Variants in CMTR1 observed in about 807,000 individuals in gnomAD.
The protein encoded by CMTR1 is cap methyltransferase 1, also known as cap-specific mRNA (nucleoside-2'-O-)-methyltransferase 1.
CMTR1 carries 39 observed loss-of-function variants against 107.0 expected under a neutral mutation model. The observed-to-expected ratio is 0.36, with a 90% CI of 0.28 to 0.48. The LOEUF is 0.48. Among genes scored for constraint, CMTR1 ranks in the 20% least tolerant of loss-of-function variants. The pLI is 0.99. For missense variants in CMTR1, 672 were observed against 1,064.9 expected (o/e 0.63, Z 5.14); for synonymous variants, 366 against 379.5 (o/e 0.96, Z 0.41).
intron 2 of CMTR1, among the ~76,000 whole-genome samples, chr6:37,437,248 C>T (rs1042451742): frequency 6.6e-6 from 1 of 150,496 alleles, no homozygotes; most frequent in African/African-American, 2.5e-5. Flanking sequence ...ATCAGCTGGC[C>T]AGGCGCGGTG....
At chr6:37,478,881 T>TC (rs1050818097) in intron 22 of CMTR1, among the ~76,000 whole-genome samples, 46 of 152,166 alleles carry the variant, frequency 3.0e-4, no homozygotes, top group African/African-American at 1.1e-3. Flanking sequence ...GCTAACAGAG[T>TC]CCTACATCTG....
At chr6:37,479,281 C>A in intron 23 of CMTR1, 26 bp downstream of exon 23, 1 of 1,502,254 alleles carries the variant, frequency 6.7e-7, no homozygotes, top group Non-Finnish European at 9.3e-7. Context: ...CCAAGCCTGC[C>A]CTCCTTAGCA....
chr6:37,423,994 G>A, the CMTR1 span, among the ~76,000 whole-genome samples: 1 of 152,082 alleles, frequency 6.6e-6, no homozygotes, highest in African/African-American at 2.4e-5. Context: ...TACTGTACAC[G>A]TTGCTGGCAA....
chr6:37,425,484 C>T, the CMTR1 span, among the ~76,000 whole-genome samples: 32 of 147,652 alleles, frequency 2.2e-4, no homozygotes, highest in African/African-American at 7.0e-4. Context: ...TTAGTAGAGA[C>T]GGGGTTGTAC....
At chr6:37,460,971 C>G (rs1761391808) in intron 10 of CMTR1, among the ~76,000 whole-genome samples, 1 of 152,104 alleles carries the variant, frequency 6.6e-6, no homozygotes, top group African/African-American at 2.4e-5. Context: ...AGTAAATACC[C>G]TGGCCAGAGA....
chr6:37,480,905 G>A lies in CMTR1; in HGVS notation c.*760G>A, dbSNP rs968656981. 2.3e-5 allele frequency: 28 copies of A among 1,212,982 alleles called. 1 individual carries two copies. Among genetic ancestry groups the A allele is most frequent in the Non-Finnish European group, 2.8e-5 (27 of 955,308 alleles). 75.1% of individuals were successfully genotyped at this position (1,212,982 alleles called of 1,614,324 possible). A position where few individuals can be genotyped will look rare whatever the true frequency, so the allele number is the denominator to read the frequency against. ...CCTTTTGGTCCAAACATTGGGCAGC[G>A]CTAGATGGCAGGAAGCAGCCTTGAA... On this transcript the variant is annotated 3_prime_UTR_variant, in exon 24 of 24. Coordinates refer to ENST00000373451, the MANE Select transcript of CMTR1 (RefSeq NM_015050.3).
intron 4 of CMTR1, among the ~76,000 whole-genome samples, chr6:37,449,943 T>A (rs1215939333): frequency 6.6e-6 from 1 of 152,242 alleles, no homozygotes; most frequent in Non-Finnish European, 1.5e-5. Context: ...ATGTCTTATT[T>A]AACTCTGCAT....
At position 37,459,692 on chromosome 6, in the gene CMTR1, A is replaced by G. The variant is rs2113879103; in HGVS notation, c.1095+8A>G. 1.9e-6 allele frequency: 3 copies of G among 1,591,182 alleles called. No homozygotes were observed. Among genetic ancestry groups the G allele is most frequent in the Non-Finnish European group, 2.6e-6 (3 of 1,159,184 alleles). On this transcript the variant is annotated splice_region_variant and intron_variant, in intron 10 of 23. Transcript: ENST00000373451. ...TTTCTGATGGCTGATGGGGTAGGTT[A>G]CCTTTTTTCCATAGACTGATGCATT...
intron 17 of CMTR1, 33 bp from the exon 18 acceptor site, chr6:37,474,491 C>G (rs202186763): frequency 4.3e-6 from 7 of 1,612,788 alleles, no homozygotes; most frequent in Non-Finnish European, 5.1e-6. Flanking sequence ...ATCTCCATGC[C>G]TTCCTTACCT....
intron 3 of CMTR1, among the ~76,000 whole-genome samples, chr6:37,445,842 C>T (rs1260535633): frequency 6.6e-6 from 1 of 152,084 alleles, no homozygotes; most frequent in African/African-American, 2.4e-5. Flanking sequence ...TAAGTGGGCT[C>T]CTGCCAAGCC....
chr6:37,478,991 G>GGGCT (rs1211616571), intron 22 of CMTR1, among the ~76,000 whole-genome samples, 156 bp from the exon 23 acceptor site: 1 of 152,158 alleles, frequency 6.6e-6, no homozygotes, highest in African/African-American at 2.4e-5. Flanking sequence ...CAGCCCCTTT[G>GGGCT]GGCTGGTGAT....
In CMTR1 at chr6:37,481,359, G is replaced by GAT. The variant is rs920232003; in HGVS notation, c.*1215_*1216insTA. ...CTGAGGCTCCCGTGAGGTTGGAATC[G>GAT]ACTTCACCATGGGGGTCCTTCAGCC... On this transcript the variant is annotated 3_prime_UTR_variant, in exon 24 of 24. Transcript: ENST00000373451. The GAT allele has an allele frequency of 1.7e-5, 20 of 1,190,906 alleles. No individual in the cohort carries two copies. The highest frequency in any genetic ancestry group is 2.0e-5 in the Non-Finnish European group (19 of 944,004). The allele number at this position is 1,190,906 out of a possible 1,614,324, so 73.8% of individuals were successfully genotyped here. A position where few individuals can be genotyped will look rare whatever the true frequency, so the allele number is the denominator to read the frequency against.
intron 2 of CMTR1, among the ~76,000 whole-genome samples, chr6:37,437,700 G>A (rs1216700380): frequency 6.6e-6 from 1 of 152,092 alleles, no homozygotes; most frequent in Non-Finnish European, 1.5e-5. Flanking sequence ...TACTGCACGC[G>A]ATGGTTCTGG....
At chr6:37,466,995 C>G (rs1446742628) in intron 13 of CMTR1, among the ~76,000 whole-genome samples, 1 of 152,080 alleles carries the variant, frequency 6.6e-6, no homozygotes, top group Non-Finnish European at 1.5e-5. Flanking sequence ...CATGGTGAAG[C>G]CCTGTCTCTA....
At chr6:37,436,610 T>A (rs1771535845) in intron 2 of CMTR1, among the ~76,000 whole-genome samples, 1 of 152,172 alleles carries the variant, frequency 6.6e-6, no homozygotes, top group African/African-American at 2.4e-5. Context: ...TTCCTTGGTG[T>A]TCCTTGGCTT....
Position 37,473,766 on chromosome 6 carries a change from C to CT in CMTR1, c.1821+166dup, listed in dbSNP as rs546572818. On this transcript the variant is annotated intron_variant, in intron 17 of 23. Coordinates refer to ENST00000373451, the MANE Select transcript of CMTR1 (RefSeq NM_015050.3). ...TTGAAACTTCGTTTCCTTTCTTCCT[C>CT]TGAGTTTGCCAAGTGTCATTCATTC... Among the ~76,000 whole-genome samples, 1,016 of 152,344 alleles carry CT rather than the reference C, an allele frequency of 6.7e-3. 9 individuals carry two copies. The highest frequency in any genetic ancestry group is 0.02 in the Middle Eastern group (6 of 294).
upstream of CMTR1, among the ~76,000 whole-genome samples, chr6:37,429,657 A>T (rs1011707018): frequency 6.6e-6 from 1 of 152,218 alleles, no homozygotes; most frequent in Non-Finnish European, 1.5e-5. Flanking sequence ...ACCTGCTATG[A>T]TTAGCCCAGA....
chr6:37,428,008 C>CAG, the CMTR1 span, among the ~76,000 whole-genome samples: 7,910 of 114,536 alleles, frequency 0.069, 378 homozygotes, highest in East Asian at 0.12. Context: ...GCAACAGAGA[C>CAG]AGAGAGAGAG....
intron 13 of CMTR1, among the ~76,000 whole-genome samples, chr6:37,470,574 T>C (rs1761603980): frequency 6.6e-6 from 1 of 152,232 alleles, no homozygotes; most frequent in Non-Finnish European, 1.5e-5. Flanking sequence ...CTCTTGTCAA[T>C]GGGTAGCATT....
Sources: allele counts gnomAD v4.1 joint callset (sites outside exome capture counted in the v4.1 genomes callset), GRCh38; gene constraint gnomAD v4.1.1; transcripts MANE v1.5; gene names NCBI Gene and HGNC (gene_info 2026-07-23, HGNC 2026-07-21).